COPG2: variants seen among roughly 807,000 people sequenced by gnomAD.
The protein encoded by COPG2 is coatomer subunit gamma-2.
Under a neutral mutation model 46.3 loss-of-function variants are expected in COPG2, and 37 were observed. The ratio of observed to expected loss-of-function variants is 0.80; its 90% CI spans 0.61 to 1.05. COPG2 has a LOEUF of 1.05. Among genes scored for constraint, COPG2 ranks in the 50% least tolerant of loss-of-function variants. The pLI, the probability that COPG2 is intolerant of heterozygous loss-of-function variation, is 0.00. For synonymous variants in COPG2, 159 were observed against 129.7 expected, an observed-to-expected ratio of 1.23 and a Z score of -1.53; for missense variants, 427 against 387.8, an observed-to-expected ratio of 1.10 and a Z score of -0.85.
intron 5 of COPG2, among the ~76,000 whole-genome samples, chr7:130,625,098 C>T (rs1009201707): frequency 2.0e-5 from 3 of 152,136 alleles, no homozygotes; most frequent in Admixed American, 6.5e-5. Context: ...TTTTTAATTA[C>T]GGCCATTCTG....
intron 20 of COPG2, among the ~76,000 whole-genome samples, chr7:130,542,217 T>G (rs1294581819): frequency 2.0e-5 from 3 of 147,846 alleles, no homozygotes; most frequent in Admixed American, 2.0e-4. Context: ...AAGTGTTTGA[T>G]GCAGGTCATG....
chr7:130,610,388 A>G (rs1794821280), intron 9 of COPG2: 2 of 353,804 alleles, frequency 5.7e-6, no homozygotes, highest in Admixed American at 4.0e-5. Flanking sequence ...TCAGTTTGCC[A>G]GGCCACATAA....
chr7:130,574,425 C>T (rs559631586), intron 9 of COPG2, among the ~76,000 whole-genome samples: 5 of 152,200 alleles, frequency 3.3e-5, no homozygotes, highest in African/African-American at 1.2e-4. Flanking sequence ...TGCTGGGTGG[C>T]TAGACCCAGA....
At chr7:130,593,065 A>T (rs1416793110) in intron 9 of COPG2, among the ~76,000 whole-genome samples, 2 of 152,240 alleles carry the variant, frequency 1.3e-5, no homozygotes, top group African/African-American at 4.8e-5. Flanking sequence ...CCTCCAATGA[A>T]TATTACTCTA....
intron 5 of COPG2, among the ~76,000 whole-genome samples, chr7:130,617,360 T>C (rs1272089540): frequency 6.6e-6 from 1 of 152,316 alleles, no homozygotes; most frequent in South Asian, 2.1e-4. Context: ...CCCTTCCCCA[T>C]AATTTTAGAT....
chr7:130,523,818 G>C (rs898510940), intron 20 of COPG2, among the ~76,000 whole-genome samples: 2 of 152,140 alleles, frequency 1.3e-5, no homozygotes, highest in Non-Finnish European at 2.9e-5. Context: ...CGTGGAAGGA[G>C]AGCGTCTTGA....
At chr7:130,668,481 C>T in intron 1 of COPG2, 151 bp downstream of exon 1, 3 of 527,024 alleles carry the variant, frequency 5.7e-6, no homozygotes, top group South Asian at 6.4e-5. Context: ...CCCGGGCAGC[C>T]GCGAGGGGAG....
intron 9 of COPG2, among the ~76,000 whole-genome samples, chr7:130,610,273 G>A (rs1032407241): frequency 3.3e-5 from 5 of 152,136 alleles, no homozygotes; most frequent in Non-Finnish European, 5.9e-5. Context: ...ATTAAATTCA[G>A]TTATCTGCTG....
intron 20 of COPG2, among the ~76,000 whole-genome samples, chr7:130,543,568 A>G (rs1793378785): frequency 6.6e-6 from 1 of 152,210 alleles, no homozygotes; most frequent in South Asian, 2.1e-4. Context: ...CTAAGGATGC[A>G]GGTAAGTATG....
At chr7:130,632,494 T>C (rs527248367) in intron 5 of COPG2, among the ~76,000 whole-genome samples, 148 of 152,332 alleles carry the variant, frequency 9.7e-4, no homozygotes, top group African/African-American at 3.2e-3. Flanking sequence ...TTCTCCAAAT[T>C]TGTAAGTTTT....
intron 20 of COPG2, among the ~76,000 whole-genome samples, chr7:130,518,132 G>A (rs1799694006): frequency 6.6e-6 from 1 of 152,142 alleles, no homozygotes; most frequent in African/African-American, 2.4e-5. Flanking sequence ...ATATGTATGA[G>A]GATAAGTATC....
At chr7:130,540,226 T>C (rs1250758206) in intron 20 of COPG2, among the ~76,000 whole-genome samples, 1 of 152,074 alleles carries the variant, frequency 6.6e-6, no homozygotes, top group Non-Finnish European at 1.5e-5. Flanking sequence ...ACATATCTAA[T>C]GTTGCAGGTG....
intron 5 of COPG2, among the ~76,000 whole-genome samples, chr7:130,647,166 G>A (rs1795629071): frequency 6.6e-6 from 1 of 151,886 alleles, no homozygotes; most frequent in Non-Finnish European, 1.5e-5. Context: ...ACAGCTTCCT[G>A]AGTAGCTGAG....
chr7:130,506,489 A>G lies in COPG2; in HGVS notation c.*187T>C, dbSNP rs1437894082. ...GCTGACCAAGTAGAATAAAAAGAAA[A>G]AAAAAAAAAAACAACCCATGCGCAA... On this transcript the variant is annotated 3_prime_UTR_variant, in exon 24 of 24. Coordinates refer to ENST00000425248, the MANE Select transcript of COPG2 (RefSeq NM_012133.6). The G allele has an allele frequency of 2.8e-5, 12 of 429,032 alleles. No individual in the cohort carries two copies. Among genetic ancestry groups the G allele is most frequent in the Admixed American group, 8.3e-5 (2 of 23,962 alleles). The allele number at this position is 429,032 out of a possible 1,614,324, so 26.6% of individuals were successfully genotyped here.
At chr7:130,523,145 G>C (rs1799739600) in intron 20 of COPG2, among the ~76,000 whole-genome samples, 1 of 116,682 alleles carries the variant, frequency 8.6e-6, no homozygotes, top group Non-Finnish European at 1.7e-5. Context: ...GAAGGCTCCA[G>C]GCCTCAAACG....
chr7:130,605,130 C>T (rs1273627272), intron 9 of COPG2: 2 of 503,420 alleles, frequency 4.0e-6, no homozygotes, highest in Non-Finnish European at 7.8e-6. Context: ...TTCTTCGAGG[C>T]TCTTTATTTT....
intron 20 of COPG2, among the ~76,000 whole-genome samples, chr7:130,540,996 G>T (rs1192564367): frequency 1.3e-5 from 2 of 152,190 alleles, no homozygotes; most frequent in Admixed American, 1.3e-4. Context: ...CCGCCTTGGG[G>T]TCCTGCATTC....
intron 4 of COPG2, among the ~76,000 whole-genome samples, chr7:130,662,742 A>AACAGTCTTT (rs1350747621): frequency 1.3e-5 from 2 of 152,214 alleles, no homozygotes; most frequent in Admixed American, 1.3e-4. Context: ...GCTAGGTATT[A>AACAGTCTTT]ACAGTCTTTA....
At chr7:130,607,596 T>C (rs1554451457) in intron 9 of COPG2, 1 of 461,724 alleles carries the variant, frequency 2.2e-6, no homozygotes, top group African/African-American at 2.0e-5. Flanking sequence ...CTACTGCTTT[T>C]GGCAGGTCTC....
Sources: allele counts gnomAD v4.1 joint callset (sites outside exome capture counted in the v4.1 genomes callset), GRCh38; gene constraint gnomAD v4.1.1; transcripts MANE v1.5; gene names NCBI Gene and HGNC (gene_info 2026-07-23, HGNC 2026-07-21).